The following MGA variants were observed in gnomAD, a reference collection of about 807,000 sequenced individuals.
MGA encodes MAX gene-associated protein.
A neutral mutation model predicts 261.1 loss-of-function variants in MGA; 40 were observed. The observed-to-expected ratio is 0.15, with a 90% CI of 0.12 to 0.20. The LOEUF is 0.20. Ranked by LOEUF, MGA falls within the 10% of genes least tolerant of loss-of-function variation. The pLI, the probability that MGA is intolerant of heterozygous loss-of-function variation, is 1.00. For synonymous variants in MGA, 1,302 were observed against 1,290.6 expected (o/e 1.01, Z -0.19); for missense variants, 3,397 against 3,630.5 (o/e 0.94, Z 1.65).
At chr15:41,735,070 T>G (rs1450266350) in intron 12 of MGA, among the ~76,000 whole-genome samples, 1 of 152,176 alleles carries the variant, frequency 6.6e-6, no homozygotes, top group African/African-American at 2.4e-5. Context: ...TTCCCGAGAC[T>G]TCTGACACTT....
intron 1 of MGA, among the ~76,000 whole-genome samples, chr15:41,644,380 G>A (rs2056891575): frequency 6.6e-6 from 1 of 150,984 alleles, no homozygotes; most frequent in Non-Finnish European, 1.5e-5. Context: ...AGAAGGCCGG[G>A]TGTGGTGGCT....
At chr15:41,757,681 G>A (rs558072613) in intron 18 of MGA, 107 bp from the exon 19 acceptor site, 2 of 804,154 alleles carry the variant, frequency 2.5e-6, no homozygotes, top group African/African-American at 1.7e-5. Context: ...ATCACACCTT[G>A]GGAAAAAGAA....
At chr15:41,680,700 C>T (rs1566968410) in intron 2 of MGA, among the ~76,000 whole-genome samples, 1 of 152,198 alleles carries the variant, frequency 6.6e-6, no homozygotes, top group African/African-American at 2.4e-5. Flanking sequence ...GTCTCACATG[C>T]AGAGCTTCCA....
At chr15:41,720,355 G>A (rs1187597319) in intron 9 of MGA, among the ~76,000 whole-genome samples, 1 of 152,068 alleles carries the variant, frequency 6.6e-6, no homozygotes, top group African/African-American at 2.4e-5. Context: ...GAGCAACATA[G>A]CAATACTTCC....
At chr15:41,646,262 C>A (rs964017613) in intron 1 of MGA, among the ~76,000 whole-genome samples, 1 of 152,026 alleles carries the variant, frequency 6.6e-6, no homozygotes, top group African/African-American at 2.4e-5. Context: ...TCGTTGCATC[C>A]TCATTTGTAG....
chr15:41,646,435 T>G (rs1165727718), intron 1 of MGA, among the ~76,000 whole-genome samples: 1 of 151,566 alleles, frequency 6.6e-6, no homozygotes, highest in Non-Finnish European at 1.5e-5. Flanking sequence ...AATCTCTGCC[T>G]CCCGAGTTCA....
chr15:41,641,626 A>G (rs1163846635), intron 1 of MGA, among the ~76,000 whole-genome samples: 1 of 151,290 alleles, frequency 6.6e-6, no homozygotes, highest in Non-Finnish European at 1.5e-5. Context: ...AGTAGCTGGG[A>G]CTATAGGTGC....
At chr15:41,638,231 C>T (rs758418880) in intron 1 of MGA, among the ~76,000 whole-genome samples, 7 of 151,360 alleles carry the variant, frequency 4.6e-5, no homozygotes, top group Admixed American at 1.3e-4. Context: ...TCAGTAGAGA[C>T]GGGGTTTCGT....
Position 41,731,241 on chromosome 15 carries a change from G to A in MGA, c.3843+1892G>A, listed in dbSNP as rs148947543. ...TTATTAATGACCACTTTAATTATAA[G>A]TTGTAATTTCAGATCTCATGATAAA... is the stretch of plus-strand genomic sequence containing the variant. On this transcript the variant is annotated intron_variant, in intron 11 of 23. Transcript: ENST00000219905. 2.2e-3 allele frequency among the ~76,000 whole-genome samples: 342 copies of A among 152,090 alleles called. 1 individual carries two copies. Among genetic ancestry groups the A allele is most frequent in the African/African-American group, 7.8e-3 (322 of 41,522 alleles).
chr15:41,758,587 G>A (rs562597638), intron 19 of MGA, among the ~76,000 whole-genome samples: 2 of 152,248 alleles, frequency 1.3e-5, no homozygotes, highest in East Asian at 3.9e-4. Flanking sequence ...GATATAACAA[G>A]AATTTTCATA....
At chr15:41,657,423 G>A (rs1262073572), upstream of MGA, among the ~76,000 whole-genome samples, 2 of 142,684 alleles carry the variant, frequency 1.4e-5, no homozygotes, top group South Asian at 2.2e-4. Flanking sequence ...GCGCGATCTC[G>A]GCTCACTGCA....
rs373871750 is a variant in MGA at position 41,727,099 on chromosome 15, C to T, written c.3431-81C>T. 1.4e-4 allele frequency: 143 copies of T among 1,016,174 alleles called. 1 individual carries two copies. The African/African-American group carries it at 1.8e-3, about 13-fold the overall frequency. 62.9% of individuals were successfully genotyped at this position (1,016,174 alleles called of 1,614,324 possible). On this transcript the variant is annotated intron_variant, in intron 9 of 23. Coordinates refer to ENST00000219905, the MANE Select transcript of MGA (RefSeq NM_001164273.2). ...CGAGTTACTGCCTTTTGTGAGGGAG[C>T]GTATTTTGTTTTGGCAGTGCCTCAG...
At chr15:41,678,244 C>T (rs1223039135) in intron 2 of MGA, among the ~76,000 whole-genome samples, 3 of 151,696 alleles carry the variant, frequency 2.0e-5, no homozygotes. Context: ...GCGCTGGCCA[C>T]CATGCCCAGC....
chr15:41,735,464 G>A (rs150974775), intron 12 of MGA, among the ~76,000 whole-genome samples: 25 of 152,286 alleles, frequency 1.6e-4, no homozygotes, highest in African/African-American at 6.0e-4. Flanking sequence ...ACAGCTGGGC[G>A]CAGTGGCTCA....
intron 2 of MGA, among the ~76,000 whole-genome samples, chr15:41,687,176 T>C (rs2059014573): frequency 6.6e-6 from 1 of 152,194 alleles, no homozygotes. Flanking sequence ...TTTGTTCTAC[T>C]TGTTTTTGGT....
chr15:41,735,628 T>A (rs2061735724), intron 12 of MGA, among the ~76,000 whole-genome samples: 1 of 151,712 alleles, frequency 6.6e-6, no homozygotes, highest in African/African-American at 2.4e-5. Flanking sequence ...TCTCAGCTAC[T>A]CGGGAGGCTG....
chr15:41,625,086 T>A (rs2056414584), intron 1 of MGA, among the ~76,000 whole-genome samples: 1 of 152,092 alleles, frequency 6.6e-6, no homozygotes, highest in African/African-American at 2.4e-5. Context: ...GAGGCTGCAA[T>A]GAGCTGTGAC....
intron 5 of MGA, 116 bp from the exon 6 acceptor site, chr15:41,707,612 C>T: frequency 2.1e-6 from 2 of 969,780 alleles, no homozygotes; most frequent in Non-Finnish European, 3.0e-6. Flanking sequence ...TCACTATCTC[C>T]TTTCTCTCTC....
At chr15:41,690,011 G>A (rs1470148021) in intron 2 of MGA, among the ~76,000 whole-genome samples, 1 of 152,110 alleles carries the variant, frequency 6.6e-6, no homozygotes, top group Non-Finnish European at 1.5e-5. Context: ...TTGCACAACC[G>A]TTACTTCAGT....
Sources: gnomAD v4.1 joint callset for allele counts (sites outside exome capture counted in the v4.1 genomes callset) on GRCh38, gnomAD v4.1.1 for gene constraint, MANE v1.5 for transcripts, NCBI Gene and HGNC (gene_info 2026-07-23, HGNC 2026-07-21) for gene names.